AKAP19: variants seen among roughly 807,000 people sequenced by gnomAD.
The protein encoded by AKAP19 is A-kinase anchoring protein 19.
the AKAP19 span, among the ~76,000 whole-genome samples, chr2:190,152,064 C>T: frequency 0.16 from 24,143 of 151,568 alleles, 2,380 homozygotes; most frequent in Middle Eastern, 0.28. Context: ...TGGCTCACTC[C>T]TCTAATTCCA....
chr2:190,001,387 C>T, the AKAP19 span, among the ~76,000 whole-genome samples: 18 of 152,260 alleles, frequency 1.2e-4, no homozygotes, highest in East Asian at 1.5e-3. Flanking sequence ...TGTTTCTTTG[C>T]ATGCCTCATA....
At chr2:190,027,998 C>T in the AKAP19 span, among the ~76,000 whole-genome samples, 1 of 152,186 alleles carries the variant, frequency 6.6e-6, no homozygotes, top group East Asian at 1.9e-4. Flanking sequence ...CAATTCTTAA[C>T]TGCCTTTTTT....
At chr2:189,900,316 C>T in the AKAP19 span, among the ~76,000 whole-genome samples, 1 of 151,410 alleles carries the variant, frequency 6.6e-6, no homozygotes, top group Non-Finnish European at 1.5e-5. Flanking sequence ...TCAAGTCCAA[C>T]AGAGCCTAAA....
the AKAP19 span, among the ~76,000 whole-genome samples, chr2:190,108,066 A>G: frequency 6.6e-6 from 1 of 152,238 alleles, no homozygotes; most frequent in Non-Finnish European, 1.5e-5. Context: ...TCCAAATTTT[A>G]CATAAGGAAA....
the AKAP19 span, among the ~76,000 whole-genome samples, chr2:189,912,573 G>A: frequency 6.6e-6 from 1 of 151,862 alleles, no homozygotes; most frequent in African/African-American, 2.4e-5. Context: ...AAGATAGTTT[G>A]GACAAATGGT....
chr2:190,088,701 T>A, the AKAP19 span, among the ~76,000 whole-genome samples: 4 of 152,184 alleles, frequency 2.6e-5, no homozygotes, highest in Non-Finnish European at 5.9e-5. Context: ...ATCAAGTGAA[T>A]ATTTTAAAAT....
At chr2:189,977,027 C>T in the AKAP19 span, among the ~76,000 whole-genome samples, 1 of 152,164 alleles carries the variant, frequency 6.6e-6, no homozygotes, top group Non-Finnish European at 1.5e-5. Context: ...GAAGCTGCTA[C>T]CCCAGTTGGA....
the AKAP19 span, among the ~76,000 whole-genome samples, chr2:190,103,075 A>T: frequency 6.6e-6 from 1 of 152,234 alleles, no homozygotes; most frequent in East Asian, 1.9e-4. Flanking sequence ...CATAAACAGA[A>T]TTAAAAACAA....
At chr2:189,928,744 C>T in the AKAP19 span, among the ~76,000 whole-genome samples, 4 of 152,016 alleles carry the variant, frequency 2.6e-5, no homozygotes, top group Non-Finnish European at 5.9e-5. Context: ...CTCTATATTG[C>T]AATTATGAAG....
chr2:190,083,962 C>T, the AKAP19 span, among the ~76,000 whole-genome samples: 1 of 152,096 alleles, frequency 6.6e-6, no homozygotes, highest in African/African-American at 2.4e-5. Context: ...ACTCCGAAGC[C>T]TATTTTCTTT....
chr2:189,917,490 C>T, the AKAP19 span: 1 of 671,106 alleles, frequency 1.5e-6, no homozygotes, highest in Non-Finnish European at 2.7e-6. Context: ...AACAGATATT[C>T]TGCTTTCAGG....
the AKAP19 span, among the ~76,000 whole-genome samples, chr2:190,024,249 A>G: frequency 1.3e-5 from 2 of 151,602 alleles, no homozygotes; most frequent in Non-Finnish European, 2.9e-5. Context: ...TGCACTTGGA[A>G]TCTTAAAAGC....
chr2:190,103,861 C>A, the AKAP19 span, among the ~76,000 whole-genome samples: 1 of 152,184 alleles, frequency 6.6e-6, no homozygotes, highest in Admixed American at 6.5e-5. Flanking sequence ...CAGAAAAGTG[C>A]CCAAATAGCC....
chr2:190,058,254 C>T, the AKAP19 span, among the ~76,000 whole-genome samples: 1 of 152,110 alleles, frequency 6.6e-6, no homozygotes, highest in East Asian at 1.9e-4. Flanking sequence ...CTGCCCCAAT[C>T]TTTTAATGCA....
chr2:190,115,101 G>C, the AKAP19 span, among the ~76,000 whole-genome samples: 1 of 148,002 alleles, frequency 6.8e-6, no homozygotes, highest in Admixed American at 6.8e-5. Context: ...TTTGGCTTAT[G>C]GGGGGCAGGG....
chr2:190,083,351 C>T, the AKAP19 span, among the ~76,000 whole-genome samples: 368 of 140,140 alleles, frequency 2.6e-3, 1 homozygote, highest in African/African-American at 8.7e-3. Context: ...CCAAGCTGGG[C>T]GACAGAGATC....
chr2:189,953,446 C>A, the AKAP19 span, among the ~76,000 whole-genome samples: 1 of 151,828 alleles, frequency 6.6e-6, no homozygotes, highest in Non-Finnish European at 1.5e-5. Flanking sequence ...ACCAGCCTGG[C>A]CAACATGGTG....
At chr2:189,882,808 C>T in the AKAP19 span, among the ~76,000 whole-genome samples, 3 of 151,946 alleles carry the variant, frequency 2.0e-5, no homozygotes, top group Non-Finnish European at 4.4e-5. Context: ...AGGTACATAG[C>T]TTTTAAAAAT....
At chr2:189,949,635 T>TC in the AKAP19 span, among the ~76,000 whole-genome samples, 4 of 145,380 alleles carry the variant, frequency 2.8e-5, no homozygotes, top group South Asian at 2.2e-4. Flanking sequence ...TTCTTTCTTT[T>TC]TTTTTTTTTT....
Sources: gnomAD v4.1 joint callset for allele counts (sites outside exome capture counted in the v4.1 genomes callset) on GRCh38, gnomAD v4.1.1 for gene constraint, MANE v1.5 for transcripts, NCBI Gene and HGNC (gene_info 2026-07-23, HGNC 2026-07-21) for gene names.